DIAPH3: variants seen among roughly 807,000 people sequenced by gnomAD.
The protein encoded by DIAPH3 is protein diaphanous homolog 3.
DIAPH3 carries 117 observed loss-of-function variants against 144.3 expected under a neutral mutation model. That is an observed-to-expected ratio of 0.81 (90% CI 0.70 to 0.95). DIAPH3 has a LOEUF of 0.95. DIAPH3 is among the 40% of genes least tolerant of loss of function. The pLI, the probability that DIAPH3 is intolerant of heterozygous loss-of-function variation, is 0.00. For missense variants in DIAPH3, 1,421 were observed against 1,412.7 expected (o/e 1.01, Z -0.09); for synonymous variants, 519 against 488.9 (o/e 1.06, Z -0.81).
chr13:59,674,960 G>T (rs910260359), intron 27 of DIAPH3, among the ~76,000 whole-genome samples: 1 of 152,150 alleles, frequency 6.6e-6, no homozygotes, highest in African/African-American at 2.4e-5. Context: ...TTGATCTGGT[G>T]GTTCATAAGG....
At chr13:59,978,922 T>C (rs1238855768) in intron 14 of DIAPH3, among the ~76,000 whole-genome samples, 1 of 151,728 alleles carries the variant, frequency 6.6e-6, no homozygotes, top group African/African-American at 2.4e-5. Flanking sequence ...CTCTATATAC[T>C]TTCTGACATT....
At chr13:59,971,292 C>T in intron 15 of DIAPH3, 132 bp from the exon 16 acceptor site, 2 of 856,616 alleles carry the variant, frequency 2.3e-6, no homozygotes, top group Non-Finnish European at 1.7e-6. Context: ...TAAGGTTTAA[C>T]CAAAAATCAA....
Position 59,861,454 on chromosome 13 carries a change from A to G in DIAPH3, c.2690T>C (p.Ile897Thr), listed in dbSNP as rs561288173. 8 of 1,613,812 alleles carry G rather than the reference A, an allele frequency of 5.0e-6. No homozygotes were observed. The highest frequency in any genetic ancestry group is 4.4e-5 in the South Asian group (4 of 91,070). Residue 897 changes from isoleucine to threonine, a missense_variant, in exon 22 of 28, where the codon ATA (isoleucine) becomes ACA (threonine). Physicochemically the swap from Ile to Thr is moderately conservative, Grantham distance 89. Coordinates refer to ENST00000400324, the MANE Select transcript of DIAPH3 (RefSeq NM_001042517.2). Reference sequence around the variant, plus strand: ...TTCCAAATCATCCACAAAATTCAGTATATCAGGGTACTTCTCTTCACATAT... The same window carrying G: ...TTCCAAATCATCCACAAAATTCAGTGTATCAGGGTACTTCTCTTCACATAT... Reference protein sequence around the residue: ...VEICEEKYPDILNFVDDLEPL... With the variant: ...VEICEEKYPDTLNFVDDLEPL...
intron 20 of DIAPH3, among the ~76,000 whole-genome samples, chr13:59,899,754 T>A (rs962903161): frequency 5.3e-5 from 8 of 152,210 alleles, no homozygotes; most frequent in Middle Eastern, 3.2e-3. Flanking sequence ...AGATGCTATA[T>A]CAAATTCTTT....
At chr13:59,919,553 C>T (rs1000148342) in intron 18 of DIAPH3, among the ~76,000 whole-genome samples, 2 of 151,938 alleles carry the variant, frequency 1.3e-5, no homozygotes, top group African/African-American at 2.4e-5. Context: ...AATACTTTAC[C>T]GTCAAAATTT....
intron 4 of DIAPH3, among the ~76,000 whole-genome samples, chr13:60,053,188 A>G (rs1372439812): frequency 6.6e-6 from 1 of 151,926 alleles, no homozygotes; most frequent in East Asian, 1.9e-4. Flanking sequence ...CAGCTCTTGT[A>G]TTTCATTTTA....
intron 5 of DIAPH3, among the ~76,000 whole-genome samples, chr13:60,034,235 A>T (rs2141127355): frequency 6.6e-6 from 1 of 152,352 alleles, no homozygotes; most frequent in African/African-American, 2.4e-5. Context: ...GATAGCTGTA[A>T]AGCCATAAAC....
intron 18 of DIAPH3, among the ~76,000 whole-genome samples, chr13:59,916,714 T>G (rs1232774297): frequency 6.6e-6 from 1 of 152,288 alleles, no homozygotes; most frequent in East Asian, 1.9e-4. Flanking sequence ...AGAAAACTGC[T>G]AAGCAGTACA....
chr13:59,874,003 T>A (rs189361207), intron 21 of DIAPH3, among the ~76,000 whole-genome samples: 276 of 152,262 alleles, frequency 1.8e-3, no homozygotes, highest in African/African-American at 6.4e-3. Flanking sequence ...AGAAGTAAAG[T>A]TGTTTCGTTT....
chr13:59,863,037 A>G (rs1462631681), intron 21 of DIAPH3, among the ~76,000 whole-genome samples: 1 of 152,172 alleles, frequency 6.6e-6, no homozygotes, highest in East Asian at 1.9e-4. Flanking sequence ...ATGAATGAAA[A>G]GAGGTTACGG....
intron 14 of DIAPH3, 118 bp downstream of exon 14, chr13:59,980,677 T>C (rs760575013): frequency 1.7e-5 from 16 of 922,260 alleles, no homozygotes; most frequent in Non-Finnish European, 2.6e-5. Flanking sequence ...AGGGCATCTA[T>C]GCACACACCT....
chr13:59,709,713 A>C (rs1455403399), intron 27 of DIAPH3, among the ~76,000 whole-genome samples: 2 of 152,220 alleles, frequency 1.3e-5, no homozygotes, highest in African/African-American at 4.8e-5. Flanking sequence ...TAGAACTAGA[A>C]ATACCATTTG....
chr13:60,015,009 G>GTTTTGT (rs200557496), intron 7 of DIAPH3, among the ~76,000 whole-genome samples: 8 of 151,122 alleles, frequency 5.3e-5, no homozygotes, highest in Non-Finnish European at 7.4e-5. Context: ...GTTTTGTTTT[G>GTTTTGT]TTTAAGGACA....
rs916309872 is a variant in DIAPH3, at chr13:60,113,053, GT to G, written c.214-868del. 2.3e-3 allele frequency among the ~76,000 whole-genome samples: 345 copies of G among 151,622 alleles called. 2 individuals carry two copies. Among genetic ancestry groups the G allele is most frequent in the African/African-American group, 7.8e-3 (323 of 41,372 alleles). The stretch of plus-strand genomic sequence containing the variant: ...CTCAAACAGCACAGTGATTCCATGA[GT>G]TTTTTTTTATCATTGTTGTATACAT... On this transcript the variant is annotated intron_variant, in intron 2 of 27. Coordinates refer to ENST00000400324, the MANE Select transcript of DIAPH3 (RefSeq NM_001042517.2).
chr13:59,908,393 A>AAAAAAAG (rs1555331342), intron 20 of DIAPH3, among the ~76,000 whole-genome samples: 6 of 111,244 alleles, frequency 5.4e-5, no homozygotes, highest in African/African-American at 6.1e-5. Context: ...AAAAAAAAAA[A>AAAAAAAG]AGTAAGACAT....
chr13:59,987,958 C>A (rs1196393814), intron 12 of DIAPH3, among the ~76,000 whole-genome samples: 5 of 151,846 alleles, frequency 3.3e-5, no homozygotes, highest in Non-Finnish European at 7.4e-5. Context: ...GAACTTCTTT[C>A]CTTAATGACT....
At chr13:59,747,039 C>A (rs760490302) in intron 27 of DIAPH3, among the ~76,000 whole-genome samples, 6 of 151,982 alleles carry the variant, frequency 3.9e-5, no homozygotes, top group Admixed American at 2.0e-4. Context: ...TTCTTAGGAG[C>A]AAATTGCTTA....
intron 2 of DIAPH3, among the ~76,000 whole-genome samples, chr13:60,113,412 A>G (rs1353702937): frequency 6.6e-6 from 1 of 152,224 alleles, no homozygotes; most frequent in African/African-American, 2.4e-5. Flanking sequence ...TCTTCAAATA[A>G]TGAGATGTAA....
chr13:59,795,603 G>A (rs746670726), intron 25 of DIAPH3, among the ~76,000 whole-genome samples: 39 of 152,010 alleles, frequency 2.6e-4, no homozygotes, highest in Non-Finnish European at 5.1e-4. Flanking sequence ...ACAGGTGGCC[G>A]CCACCATTCC....
Sources: allele counts gnomAD v4.1 joint callset (sites outside exome capture counted in the v4.1 genomes callset), GRCh38; gene constraint gnomAD v4.1.1; transcripts MANE v1.5; gene names NCBI Gene and HGNC (gene_info 2026-07-23, HGNC 2026-07-21).